The following ADAM12 variants were observed in gnomAD, a reference collection of about 807,000 sequenced individuals.
The protein encoded by ADAM12 is disintegrin and metalloproteinase domain-containing protein 12.
ADAM12 carries 70 observed loss-of-function variants against 106.4 expected under a neutral mutation model. The ratio of observed to expected loss-of-function variants is 0.66; its 90% CI spans 0.54 to 0.80. ADAM12 has a LOEUF of 0.80. ADAM12 is among the 30% of genes least tolerant of loss of function. ADAM12 has a pLI of 0.00. For synonymous variants in ADAM12, 420 were observed against 433.5 expected (o/e 0.97, Z 0.39); for missense variants, 1,010 against 1,171.9 (o/e 0.86, Z 2.02).
intron 3 of ADAM12, among the ~76,000 whole-genome samples, chr10:126,205,127 A>C (rs977152307): frequency 6.6e-6 from 1 of 152,178 alleles, no homozygotes; most frequent in African/African-American, 2.4e-5. Flanking sequence ...GGCTTTTGTC[A>C]TACAGCATAG....
chr10:126,090,765 G>A (rs928143427), intron 11 of ADAM12: 8 of 152,206 alleles, frequency 5.3e-5, no homozygotes, highest in African/African-American at 1.7e-4. Context: ...ACAGGCCTCA[G>A]GTCCCATTTG....
At chr10:126,059,063 A>C (rs987738885) in intron 14 of ADAM12, among the ~76,000 whole-genome samples, 2 of 152,200 alleles carry the variant, frequency 1.3e-5, no homozygotes, top group Admixed American at 1.3e-4. Context: ...ATACCATACT[A>C]TATTTTATAA....
At chr10:126,302,210 C>G (rs1960656176) in intron 2 of ADAM12, among the ~76,000 whole-genome samples, 1 of 152,166 alleles carries the variant, frequency 6.6e-6, no homozygotes, top group Non-Finnish European at 1.5e-5. Context: ...GTTCATTTTG[C>G]TTCACCAAGT....
In ADAM12 at chr10:126,101,186, T is replaced by A. The variant is rs746600345; in HGVS notation, c.797A>T (p.Asp266Val). ...CTGACTTACAGAGCATTTGTCCATGTCATTCCACACTTCCACGCCTACCAA... is the reference window on the plus strand; with the variant it reads ...CTGACTTACAGAGCATTTGTCCATGACATTCCACACTTCCACGCCTACCAA... The part of the protein sequence containing the change: ...IVLVGVEVWN[D>V]MDKCSVSQDP... The change falls in exon 9 of 23, where the codon GAC (aspartate) becomes GTC (valine). Residue 266 changes from aspartate (D) to valine (V), a missense_variant. By Grantham distance (152) the Asp-to-Val change is radical. Around this residue, in one of 3 missense-constraint regions of ADAM12, gnomAD observed 391 missense variants for 442.9 expected, o/e 0.88. Coordinates refer to ENST00000448723, the MANE Select transcript of ADAM12 (RefSeq NM_001288973.2). The A allele has an allele frequency of 1.5e-5, 25 of 1,614,192 alleles. No individual in the cohort carries two copies. The Admixed American group carries it at 4.0e-4, about 26-fold the overall frequency.
intron 3 of ADAM12, among the ~76,000 whole-genome samples, chr10:126,230,799 A>G (rs964285038): frequency 1.3e-5 from 2 of 152,194 alleles, no homozygotes; most frequent in Admixed American, 6.5e-5. Context: ...TTTCCATTGT[A>G]TCATGTGCTC....
intron 2 of ADAM12, among the ~76,000 whole-genome samples, chr10:126,281,659 A>G (rs1046620258): frequency 2.0e-5 from 3 of 152,232 alleles, no homozygotes; most frequent in Non-Finnish European, 4.4e-5. Context: ...GCATGTATTC[A>G]TTCCATTTTC....
intron 4 of ADAM12, among the ~76,000 whole-genome samples, chr10:126,137,306 AT>A (rs1956423020): frequency 6.6e-6 from 1 of 152,096 alleles, no homozygotes; most frequent in Non-Finnish European, 1.5e-5. Context: ...TTCTGTGCCA[AT>A]TCCACACTGT....
chr10:126,240,176 G>C (rs1475388247), intron 3 of ADAM12, among the ~76,000 whole-genome samples: 1 of 152,254 alleles, frequency 6.6e-6, no homozygotes, highest in South Asian at 2.1e-4. Context: ...CACTGTCCTT[G>C]CCTCCCACTC....
intron 3 of ADAM12, among the ~76,000 whole-genome samples, chr10:126,193,124 G>A (rs1957534247): frequency 1.3e-5 from 2 of 152,020 alleles, no homozygotes; most frequent in South Asian, 2.1e-4. Flanking sequence ...AATTAGCCGG[G>A]TGTGATGGCC....
At chr10:126,115,876 C>A (rs975624240) in intron 6 of ADAM12, among the ~76,000 whole-genome samples, 7 of 152,144 alleles carry the variant, frequency 4.6e-5, no homozygotes, top group Admixed American at 4.6e-4. Context: ...AAGGATTCCA[C>A]ATATTTGAAA....
Position 126,064,031 on chromosome 10 carries a change from G to A in ADAM12, c.1609+775C>T, listed in dbSNP as rs572254713. On this transcript the variant is annotated intron_variant, in intron 14 of 22. Coordinates refer to ENST00000448723, the MANE Select transcript of ADAM12 (RefSeq NM_001288973.2). This position sits in a 1 kb window ranked among gnomAD's most constrained non-coding sequence, Gnocchi z 4.4. The stretch of plus-strand genomic sequence containing the variant: ...GTAACCCAGGTTCAAATCCTAGCCC[G>A]GAGACCTGGGGAAACTGACATTTGG... Among the ~76,000 whole-genome samples the A allele has an allele frequency of 8.7e-4, 132 of 152,296 alleles. No individual in the cohort carries two copies. The highest frequency in any genetic ancestry group is 2.6e-3 in the African/African-American group (110 of 41,576).
At chr10:126,063,900 T>C (rs2133476906) in intron 14 of ADAM12, among the ~76,000 whole-genome samples, 1 of 152,318 alleles carries the variant, frequency 6.6e-6, no homozygotes, top group African/African-American at 2.4e-5. Context: ...CCCTTTTGCA[T>C]CTGAGCTTCT....
At position 126,245,492 on chromosome 10, in the gene ADAM12, C is replaced by A. The variant is rs547636345; in HGVS notation, c.260+33423G>T. 3.9e-5 allele frequency among the ~76,000 whole-genome samples: 6 copies of A among 152,234 alleles called. No individual in the cohort carries two copies. The East Asian group carries it at 9.7e-4, about 25-fold the overall frequency. On this transcript the variant is annotated intron_variant, in intron 3 of 22. Coordinates refer to ENST00000448723, the MANE Select transcript of ADAM12 (RefSeq NM_001288973.2). ...TGGCTTTAGAAGATAGGGGGACCAT[C>A]CTGAAGGACTGGGCAGTGGGCAGGA...
At chr10:126,152,201 C>T (rs1005103534) in intron 4 of ADAM12, among the ~76,000 whole-genome samples, 2 of 151,954 alleles carry the variant, frequency 1.3e-5, no homozygotes, top group Non-Finnish European at 2.9e-5. Flanking sequence ...TTGTAAAATG[C>T]TGTCAGTATT....
intron 2 of ADAM12, among the ~76,000 whole-genome samples, chr10:126,291,836 C>T (rs563078449): frequency 1.4e-4 from 21 of 152,236 alleles, no homozygotes; most frequent in African/African-American, 4.3e-4. Context: ...CTTGGAGCCA[C>T]CACGTTAACC....
chr10:126,346,161 T>C (rs1188389730), intron 1 of ADAM12, among the ~76,000 whole-genome samples: 1 of 152,172 alleles, frequency 6.6e-6, no homozygotes, highest in African/African-American at 2.4e-5. Flanking sequence ...GGGCATTTAG[T>C]GCTATAAATT....
intron 3 of ADAM12, among the ~76,000 whole-genome samples, chr10:126,237,865 G>A (rs1369068454): frequency 6.6e-6 from 1 of 152,182 alleles, no homozygotes; most frequent in Non-Finnish European, 1.5e-5. Context: ...GGACAAGCTA[G>A]GATGACATAA....
At chr10:126,256,774 C>T (rs1214892940) in intron 3 of ADAM12, among the ~76,000 whole-genome samples, 1 of 152,130 alleles carries the variant, frequency 6.6e-6, no homozygotes, top group Admixed American at 6.5e-5. Flanking sequence ...GATAGGAGCC[C>T]TAGAGGATGG....
chr10:126,233,588 G>A (rs1359505036), intron 3 of ADAM12, among the ~76,000 whole-genome samples: 1 of 152,100 alleles, frequency 6.6e-6, no homozygotes, highest in Non-Finnish European at 1.5e-5. Flanking sequence ...AGGAAGGAGG[G>A]AGAGGCTGGA....
Sources: allele counts gnomAD v4.1 joint callset (sites outside exome capture counted in the v4.1 genomes callset), GRCh38; gene constraint gnomAD v4.1.1; regional missense constraint gnomAD v4.1.1; non-coding constraint Gnocchi (gnomAD v3.1); transcripts MANE v1.5; gene names NCBI Gene and HGNC (gene_info 2026-07-23, HGNC 2026-07-21).